The following CORO7 variants were observed in gnomAD, a reference collection of about 807,000 sequenced individuals.
CORO7 encodes the protein coronin 7, also known as coronin-7.
CORO7 carries 107 observed loss-of-function variants against 126.6 expected under a neutral mutation model. The observed-to-expected ratio is 0.85, with a 90% confidence interval of 0.72 to 0.99. The LOEUF (loss-of-function observed/expected upper bound fraction) is 0.99, where lower values mean the gene tolerates loss of function less well. Among genes scored for constraint, CORO7 ranks in the 50% least tolerant of loss-of-function variants. The probability of loss-of-function intolerance (pLI) is 0.00; values close to 1 mark genes in which losing one functional copy is unlikely to be tolerated. For synonymous variants in CORO7, 603 were observed against 536.8 expected, an observed-to-expected ratio of 1.12 and a Z score of -1.70; for missense variants, 1,314 against 1,255.8, an observed-to-expected ratio of 1.05 and a Z score of -0.70.
chr16:4,416,589 C>A lies in CORO7; in HGVS notation c.-71G>T. On this transcript the variant is annotated 5_prime_UTR_variant, in exon 1 of 28. Coordinates refer to ENST00000251166, the MANE Select transcript of CORO7 (RefSeq NM_024535.5). Reference sequence around the variant, plus strand: ...CGGGTCTCAGGTGCACGCTGAGCAACCGCGACTCCCGCTGCCTCGGCCCCA... The same window carrying A: ...CGGGTCTCAGGTGCACGCTGAGCAAACGCGACTCCCGCTGCCTCGGCCCCA... 3 of 1,537,240 alleles carry A rather than the reference C, an allele frequency of 2.0e-6. No individual in the cohort carries two copies. The highest frequency in any genetic ancestry group is 1.7e-6 in the Non-Finnish European group (2 of 1,149,160).
At position 4,365,558 on chromosome 16, in the gene CORO7, G is replaced by A. The variant is rs1312375934; in HGVS notation, c.786-13C>T. The A allele has an allele frequency of 1.9e-6, 3 of 1,573,966 alleles. No individual in the cohort carries two copies. Among genetic ancestry groups the A allele is most frequent in the Non-Finnish European group, 1.7e-6 (2 of 1,159,928 alleles). Reference sequence around the variant, plus strand: ...AGGCACGAGACACCTGGGGAAGAGAGGGCAAGATGGCGGGTCAGGGCAGTG... The same window carrying A: ...AGGCACGAGACACCTGGGGAAGAGAAGGCAAGATGGCGGGTCAGGGCAGTG... On this transcript the variant is annotated splice_polypyrimidine_tract_variant and intron_variant, in intron 9 of 27. Coordinates refer to ENST00000251166, the MANE Select transcript of CORO7 (RefSeq NM_024535.5).
In CORO7 at chr16:4,381,130, C is replaced by A. The variant is rs778980399; in HGVS notation, c.785+6856G>T. On this transcript the variant is annotated intron_variant, in intron 9 of 27. Transcript: ENST00000251166. Reference sequence around the variant, plus strand: ...GGGCCTGCAGCTCCTGGACCTGTCACAGAACCAGATCGCCAGCCTGCCCAG... The same window carrying A: ...GGGCCTGCAGCTCCTGGACCTGTCAAAGAACCAGATCGCCAGCCTGCCCAG... The A allele has an allele frequency of 1.2e-4, 187 of 1,610,196 alleles. No individual in the cohort carries two copies. Among genetic ancestry groups the A allele is most frequent in the Non-Finnish European group, 1.5e-4 (182 of 1,178,938 alleles).
chr16:4,410,213 C>G (rs2056152034), intron 3 of CORO7, among the ~76,000 whole-genome samples: 1 of 152,106 alleles, frequency 6.6e-6, no homozygotes, highest in African/African-American at 2.4e-5. Flanking sequence ...TCACTTGAGG[C>G]TAGGAGTTCA....
intron 9 of CORO7, among the ~76,000 whole-genome samples, chr16:4,368,134 G>A (rs2054405290): frequency 6.6e-6 from 1 of 151,608 alleles, no homozygotes; most frequent in South Asian, 2.1e-4. Context: ...ATCACTGGAG[G>A]TCAGCAGTTT....
At chr16:4,366,004 C>T (rs575491959) in intron 9 of CORO7, among the ~76,000 whole-genome samples, 3 of 152,332 alleles carry the variant, frequency 2.0e-5, no homozygotes, top group African/African-American at 7.2e-5. Flanking sequence ...TGCAGGCAGC[C>T]CTGCCGTTCC....
At chr16:4,405,445 G>A (rs2055962360) in intron 6 of CORO7, 46 bp downstream of exon 6, 1 of 1,574,958 alleles carries the variant, frequency 6.3e-7, no homozygotes, top group African/African-American at 1.4e-5. Flanking sequence ...CCCAGCCCAG[G>A]AGGCCTGCAC....
intron 7 of CORO7, 77 bp from the exon 8 acceptor site, chr16:4,388,708 G>A: frequency 2.7e-6 from 4 of 1,479,564 alleles, no homozygotes; most frequent in Non-Finnish European, 3.7e-6. Context: ...GGCCTGAGCT[G>A]GGGAACTTCT....
At chr16:4,391,663 C>T (rs931921987) in intron 7 of CORO7, among the ~76,000 whole-genome samples, 1 of 152,220 alleles carries the variant, frequency 6.6e-6, no homozygotes, top group Non-Finnish European at 1.5e-5. Flanking sequence ...CCCAGGAGGT[C>T]AAAGCTACAG....
At chr16:4,378,393 T>C (rs1219629973) in intron 9 of CORO7, among the ~76,000 whole-genome samples, 1 of 151,878 alleles carries the variant, frequency 6.6e-6, no homozygotes, top group Admixed American at 6.6e-5. Flanking sequence ...CTCTGGAACC[T>C]GGCTGCATCC....
intron 4 of CORO7, 100 bp downstream of exon 4, chr16:4,408,081 C>A: frequency 6.4e-7 from 1 of 1,562,782 alleles, no homozygotes; most frequent in Admixed American, 1.7e-5. Context: ...TGGGGCTGGA[C>A]TGGGAGGCAG....
chr16:4,369,066 C>T (rs1344437710), intron 9 of CORO7, among the ~76,000 whole-genome samples: 2 of 152,248 alleles, frequency 1.3e-5, no homozygotes, highest in East Asian at 3.8e-4. Flanking sequence ...GCCTCCCTCA[C>T]CCCCGTTCCA....
At chr16:4,408,433 G>A (rs1333078784) in intron 3 of CORO7, among the ~76,000 whole-genome samples, 182 bp from the exon 4 acceptor site, 1 of 152,162 alleles carries the variant, frequency 6.6e-6, no homozygotes, top group Non-Finnish European at 1.5e-5. Flanking sequence ...ATACGTCCCC[G>A]AGGGCCCTGC....
intron 1 of CORO7, among the ~76,000 whole-genome samples, chr16:4,414,583 C>T (rs2056338049): frequency 6.6e-6 from 1 of 152,140 alleles, no homozygotes; most frequent in Non-Finnish European, 1.5e-5. Flanking sequence ...ATTTCTCCCT[C>T]CTGATTCATG....
chr16:4,370,951 A>C (rs1340280467), intron 9 of CORO7, among the ~76,000 whole-genome samples: 2 of 152,212 alleles, frequency 1.3e-5, no homozygotes, highest in African/African-American at 4.8e-5. Context: ...ATGACTGACC[A>C]CAAACGCGGA....
At chr16:4,416,143 G>A (rs2056403303) in intron 1 of CORO7, among the ~76,000 whole-genome samples, 1 of 152,140 alleles carries the variant, frequency 6.6e-6, no homozygotes, top group Non-Finnish European at 1.5e-5. Flanking sequence ...AGCTGGGAAG[G>A]CAGGCGGCCT....
At chr16:4,392,707 C>T (rs559137688) in intron 7 of CORO7, among the ~76,000 whole-genome samples, 13 of 152,346 alleles carry the variant, frequency 8.5e-5, no homozygotes, top group East Asian at 3.9e-4. Flanking sequence ...TCCCTCGAGC[C>T]GGCCCCTCGG....
intron 13 of CORO7, 44 bp from the exon 14 acceptor site, chr16:4,364,457 C>T (rs370630339): frequency 2.0e-5 from 30 of 1,478,530 alleles, no homozygotes; most frequent in East Asian, 1.9e-4. Context: ...ATGGGCTGCC[C>T]GGTCAGGAGG....
intron 6 of CORO7, among the ~76,000 whole-genome samples, chr16:4,401,871 C>T (rs989272023): frequency 2.0e-5 from 3 of 151,736 alleles, no homozygotes; most frequent in South Asian, 2.1e-4. Flanking sequence ...CCAGCTATGA[C>T]GTGGGCAAGC....
intron 9 of CORO7, chr16:4,381,016 C>A: frequency 6.2e-7 from 1 of 1,609,372 alleles, no homozygotes; most frequent in Non-Finnish European, 8.5e-7. Flanking sequence ...GACCACGGTG[C>A]CCCGAGACGT....
Sources: allele counts gnomAD v4.1 joint callset (sites outside exome capture counted in the v4.1 genomes callset), GRCh38; gene constraint gnomAD v4.1.1; transcripts MANE v1.5; gene names NCBI Gene and HGNC (gene_info 2026-07-23, HGNC 2026-07-21).